The following BNC2 variants were observed in gnomAD, a reference collection of about 807,000 sequenced individuals.
BNC2 encodes basonuclin zinc finger protein 2, also known as zinc finger protein basonuclin-2.
A neutral mutation model predicts 76.3 loss-of-function variants in BNC2; 20 were observed. The ratio of observed to expected loss-of-function variants is 0.26; its 90% CI spans 0.18 to 0.38. The LOEUF (loss-of-function observed/expected upper bound fraction) is 0.38, where lower values mean the gene tolerates loss of function less well. Ranked by LOEUF, BNC2 falls within the 10% of genes least tolerant of loss-of-function variation. BNC2 has a pLI of 1.00. For synonymous variants in BNC2, 582 were observed against 514.8 expected, an observed-to-expected ratio of 1.13 and a Z score of -1.77; for missense variants, 1,382 against 1,399.8, an observed-to-expected ratio of 0.99 and a Z score of 0.20.
intron 4 of BNC2, among the ~76,000 whole-genome samples, chr9:16,566,333 AG>A: frequency 6.6e-6 from 1 of 152,304 alleles, no homozygotes; most frequent in East Asian, 1.9e-4. Context: ...TTTCAATGGA[AG>A]GGGTAAATGT....
At chr9:16,431,420 C>T in intron 6 of BNC2, 1 of 468,626 alleles carries the variant, frequency 2.1e-6, no homozygotes, top group South Asian at 1.6e-5. Flanking sequence ...TTCTGACTAT[C>T]ACGCTCTCTT....
intron 1 of BNC2, among the ~76,000 whole-genome samples, chr9:16,791,282 C>T (rs1344914959): frequency 6.6e-6 from 1 of 151,870 alleles, no homozygotes; most frequent in Non-Finnish European, 1.5e-5. Flanking sequence ...AGGATGGTCT[C>T]GATCTCCTGA....
intron 1 of BNC2, among the ~76,000 whole-genome samples, chr9:16,816,390 G>A (rs112411354): frequency 1.2e-3 from 178 of 152,264 alleles, no homozygotes; most frequent in African/African-American, 4.2e-3. Flanking sequence ...AGGTGTGCAC[G>A]CTCTCTTCAG....
At chr9:16,526,464 ATGCTTTTTTTT>A (rs1190603329) in intron 5 of BNC2, among the ~76,000 whole-genome samples, 2 of 109,928 alleles carry the variant, frequency 1.8e-5, no homozygotes, top group African/African-American at 7.1e-5. Context: ...ACATAGTTTA[ATGCTTTTTTTT>A]TTTTTTTTTT....
At chr9:16,695,107 G>A (rs1044487844) in intron 3 of BNC2, among the ~76,000 whole-genome samples, 4 of 152,284 alleles carry the variant, frequency 2.6e-5, no homozygotes, top group East Asian at 1.9e-4. Context: ...CTTTACCCCT[G>A]AAACCTAGTA....
intron 3 of BNC2, 21 bp from the exon 4 acceptor site, chr9:16,583,106 A>G: frequency 6.3e-7 from 1 of 1,592,264 alleles, no homozygotes. Context: ...AAGGAGGAAA[A>G]AAAGGTCAGC....
intron 3 of BNC2, among the ~76,000 whole-genome samples, chr9:16,629,293 G>T (rs1389152582): frequency 6.6e-6 from 1 of 152,158 alleles, no homozygotes; most frequent in Non-Finnish European, 1.5e-5. Context: ...CCATAGTTGT[G>T]TGAATAATTT....
intron 5 of BNC2, among the ~76,000 whole-genome samples, chr9:16,456,766 G>A (rs957741396): frequency 1.3e-5 from 2 of 152,128 alleles, no homozygotes; most frequent in Non-Finnish European, 2.9e-5. Flanking sequence ...TCTGTCGGTA[G>A]GGTAGGGAAA....
Position 16,834,087 on chromosome 9 carries a change from C to G in BNC2, c.3+36559G>C, listed in dbSNP as rs1818645790. ...GAGAAATCTTCTCTGACCCCACAAA[C>G]TCCAGTTGGTGGTCACTGCTTTGTA... On this transcript the variant is annotated intron_variant, in intron 1 of 6. Transcript: ENST00000380672. Among the ~76,000 whole-genome samples, 4 of 152,280 alleles carry G rather than the reference C, an allele frequency of 2.6e-5. No individual in the cohort carries two copies. In the South Asian group the frequency reaches 6.2e-4, roughly 24 times the overall value.
rs1421546653 is a variant in BNC2, at chr9:16,413,954, T to C, written c.*5035A>G. The C allele has an allele frequency of 6.6e-6, 1 of 152,208 alleles. No individual in the cohort carries two copies. The highest frequency in any genetic ancestry group is 2.4e-5 in the African/African-American group (1 of 41,450). The allele number at this position is 152,208 out of a possible 1,614,324, so 9.4% of individuals were successfully genotyped here. ...TGCTGGTGCCATTCGCACCTACTCCTCTGTTAGGATGAAAACGAGGTGTTA... is the reference window on the plus strand; with the variant it reads ...TGCTGGTGCCATTCGCACCTACTCCCCTGTTAGGATGAAAACGAGGTGTTA... On this transcript the variant is annotated 3_prime_UTR_variant, in exon 7 of 7. Coordinates refer to ENST00000380672, the MANE Select transcript of BNC2 (RefSeq NM_017637.6).
At chr9:16,607,791 T>C (rs1820425852) in intron 3 of BNC2, among the ~76,000 whole-genome samples, 1 of 152,210 alleles carries the variant, frequency 6.6e-6, no homozygotes, top group South Asian at 2.1e-4. Context: ...AATACTGTAG[T>C]TCCAACTCTA....
intron 3 of BNC2, among the ~76,000 whole-genome samples, chr9:16,705,942 G>T (rs932949275): frequency 6.6e-6 from 1 of 152,078 alleles, no homozygotes; most frequent in Non-Finnish European, 1.5e-5. Flanking sequence ...AAACAAACAA[G>T]CAACAATATT....
rs780848807 is a variant in BNC2, at chr9:16,432,694, G to A, written c.2639+2861C>T. Among the ~76,000 whole-genome samples, 24 of 152,334 alleles carry A rather than the reference G, an allele frequency of 1.6e-4. No homozygotes were observed. In the Middle Eastern group the frequency reaches 0.017, roughly 108 times the overall value. ...ATTTGCACAAGGAAGACATTGTGGA[G>A]TCAAGGATGGATGAAACTGAGACTC... On this transcript the variant is annotated intron_variant, in intron 6 of 6. Coordinates refer to ENST00000380672, the MANE Select transcript of BNC2 (RefSeq NM_017637.6).
chr9:16,587,665 T>C (rs967573244), intron 3 of BNC2, among the ~76,000 whole-genome samples: 5 of 152,176 alleles, frequency 3.3e-5, no homozygotes, highest in African/African-American at 1.2e-4. Context: ...TGTCAGATTC[T>C]GCCTACTAGA....
At chr9:16,470,884 T>C (rs976505825) in intron 5 of BNC2, among the ~76,000 whole-genome samples, 1 of 151,926 alleles carries the variant, frequency 6.6e-6, no homozygotes, top group African/African-American at 2.4e-5. Flanking sequence ...CCACACAGAG[T>C]CCCTGCTAGG....
chr9:16,611,721 T>C (rs574214645), intron 3 of BNC2, among the ~76,000 whole-genome samples: 10 of 152,330 alleles, frequency 6.6e-5, no homozygotes, highest in Admixed American at 3.3e-4. Context: ...CTTGTAAGGC[T>C]ATGCCATCCA....
At chr9:16,759,848 C>T (rs1825501273) in intron 1 of BNC2, among the ~76,000 whole-genome samples, 2 of 151,954 alleles carry the variant, frequency 1.3e-5, no homozygotes, top group Admixed American at 6.6e-5. Flanking sequence ...CTCAGCCTCC[C>T]GAGTAGCTGG....
chr9:16,666,392 A>C (rs535953812), intron 3 of BNC2, among the ~76,000 whole-genome samples: 104 of 152,294 alleles, frequency 6.8e-4, no homozygotes, highest in Non-Finnish European at 2.8e-4. Flanking sequence ...GGTTTTTCTC[A>C]ACATCATGAA....
intron 1 of BNC2, among the ~76,000 whole-genome samples, chr9:16,852,367 A>G (rs191961778): frequency 1.2e-4 from 19 of 152,352 alleles, no homozygotes; most frequent in African/African-American, 4.6e-4. Flanking sequence ...AGCTAAGCAT[A>G]AGCAGTTCAG....
Sources: allele counts gnomAD v4.1 joint callset (sites outside exome capture counted in the v4.1 genomes callset), GRCh38; gene constraint gnomAD v4.1.1; transcripts MANE v1.5; gene names NCBI Gene and HGNC (gene_info 2026-07-23, HGNC 2026-07-21).